The following SORBS2 variants were observed in gnomAD, a reference collection of about 807,000 sequenced individuals.
The protein encoded by SORBS2 is sorbin and SH3 domain-containing protein 2.
SORBS2 carries 46 observed loss-of-function variants against 97.7 expected under a neutral mutation model. That is an observed-to-expected ratio of 0.47 (90% CI 0.37 to 0.60). The LOEUF (loss-of-function observed/expected upper bound fraction) is 0.60. Among genes scored for constraint, SORBS2 ranks in the 20% least tolerant of loss-of-function variants. SORBS2 has a pLI of 0.00. For synonymous variants in SORBS2, 476 were observed against 473.4 expected (o/e 1.01, Z -0.07); for missense variants, 1,316 against 1,282.3 (o/e 1.03, Z -0.40).
intron 1 of SORBS2, among the ~76,000 whole-genome samples, chr4:185,872,753 C>G (rs1017673072): frequency 6.6e-6 from 1 of 152,164 alleles, no homozygotes; most frequent in African/African-American, 2.4e-5. Context: ...TCTTTTCTTC[C>G]TTTCTCCTGA....
At chr4:185,731,852 CTCTCTCTCTCTCTCTATATATA>C (rs1471660365) in intron 2 of SORBS2, among the ~76,000 whole-genome samples, 2 of 33,078 alleles carry the variant, frequency 6.0e-5, no homozygotes, top group Non-Finnish European at 1.2e-4. Flanking sequence ...CTCTCTCTCT[CTCTCTCTCTCTCTCTATATATA>C]TATATATATA....
chr4:185,695,173 T>C (rs1404269241), intron 2 of SORBS2, among the ~76,000 whole-genome samples: 1 of 152,178 alleles, frequency 6.6e-6, no homozygotes, highest in Non-Finnish European at 1.5e-5. Context: ...GTGCCTGTTG[T>C]CTCATAATTC....
intron 1 of SORBS2, among the ~76,000 whole-genome samples, chr4:185,873,377 C>T (rs1368669192): frequency 6.6e-6 from 1 of 152,176 alleles, no homozygotes; most frequent in Non-Finnish European, 1.5e-5. Flanking sequence ...GCCAATAGAT[C>T]CTGCCTTACT....
chr4:185,610,241 G>A (rs1448368100), intron 12 of SORBS2, among the ~76,000 whole-genome samples: 1 of 152,084 alleles, frequency 6.6e-6, no homozygotes, highest in Non-Finnish European at 1.5e-5. Flanking sequence ...TTTATTTGAA[G>A]GTACAGTTGC....
At chr4:185,601,636 G>A (rs1316792441) in intron 12 of SORBS2, among the ~76,000 whole-genome samples, 1 of 152,146 alleles carries the variant, frequency 6.6e-6, no homozygotes, top group African/African-American at 2.4e-5. Context: ...TTCTGGGACT[G>A]TGCTTATCCC....
At chr4:185,908,308 T>C (rs868060923) in intron 1 of SORBS2, among the ~76,000 whole-genome samples, 4 of 114,076 alleles carry the variant, frequency 3.5e-5, no homozygotes, top group African/African-American at 1.4e-4. Context: ...TATATATATA[T>C]ATATATATAT....
Position 185,635,326 on chromosome 4 carries a change from C to A in SORBS2, c.397-4728G>T, listed in dbSNP as rs370037803. On this transcript the variant is annotated intron_variant, in intron 4 of 14. Coordinates refer to ENST00000418609, the Ensembl canonical transcript of SORBS2. ...CAGTCACAGCCTCTAAGGGAGATAT[C>A]TGAAAAAGAGAGAATAACGTGTTTT... The A allele has an allele frequency of 7.6e-5, 117 of 1,529,722 alleles. 2 individuals are homozygous for A. In the African/African-American group the frequency reaches 1.0e-3, roughly 13 times the overall value. The allele number at this position is 1,529,722 out of a possible 1,614,324, so 94.8% of individuals were successfully genotyped here.
chr4:185,823,913 G>A (rs1401621606), intron 1 of SORBS2, among the ~76,000 whole-genome samples: 2 of 152,180 alleles, frequency 1.3e-5, no homozygotes, highest in African/African-American at 2.4e-5. Flanking sequence ...TCAGAAATTC[G>A]TGAAGCTACT....
chr4:185,608,080 C>G lies in SORBS2; in HGVS notation c.2796+3700G>C, dbSNP rs183014129. On this transcript the variant is annotated intron_variant, in intron 12 of 14. Coordinates refer to ENST00000418609, the Ensembl canonical transcript of SORBS2. ...CTGACTTAGTAGAGTATAAATGACT[C>G]CAGAGAAATGTTAATGTAGAATGAA... 4.7e-3 allele frequency among the ~76,000 whole-genome samples: 719 copies of G among 152,208 alleles called. 3 individuals are homozygous for G. Among genetic ancestry groups the G allele is most frequent in the Non-Finnish European group, 8.0e-3 (546 of 68,024 alleles).
intron 12 of SORBS2, chr4:185,605,925 G>T: frequency 4.5e-6 from 1 of 220,644 alleles, no homozygotes; most frequent in Non-Finnish European, 7.6e-6. Context: ...TTCTGCCTTT[G>T]TTGATTAAAA....
At chr4:185,649,678 G>A (rs1334403944) in intron 2 of SORBS2, 22 bp from the exon 12 acceptor site, 6 of 1,337,602 alleles carry the variant, frequency 4.5e-6, no homozygotes, top group Non-Finnish European at 5.8e-6. Context: ...AAAAACAAAA[G>A]CAGACAAAAA....
chr4:185,699,091 T>C (rs757460943), intron 2 of SORBS2, among the ~76,000 whole-genome samples: 4 of 152,120 alleles, frequency 2.6e-5, no homozygotes, highest in Admixed American at 6.6e-5. Flanking sequence ...TTTGTCAGAA[T>C]TTTTGACAGA....
At chr4:185,887,075 A>G (rs2099240052) in intron 1 of SORBS2, among the ~76,000 whole-genome samples, 1 of 152,206 alleles carries the variant, frequency 6.6e-6, no homozygotes, top group Non-Finnish European at 1.5e-5. Flanking sequence ...TTGCACAAAC[A>G]GCCTGGGCAG....
At chr4:185,949,322 C>T (rs1167401772) in intron 1 of SORBS2, among the ~76,000 whole-genome samples, 1 of 152,112 alleles carries the variant, frequency 6.6e-6, no homozygotes, top group Non-Finnish European at 1.5e-5. Context: ...GGACTGGACC[C>T]GAGCAGAAAT....
chr4:185,868,159 CTTTT>C (rs112680775), intron 1 of SORBS2, among the ~76,000 whole-genome samples: 1 of 105,222 alleles, frequency 9.5e-6, no homozygotes, highest in Non-Finnish European at 1.8e-5. Context: ...TTTTTTCTTT[CTTTT>C]TTTTTTTTTT....
At chr4:185,713,259 C>T (rs959320382) in intron 2 of SORBS2, among the ~76,000 whole-genome samples, 5 of 152,188 alleles carry the variant, frequency 3.3e-5, no homozygotes, top group African/African-American at 4.8e-5. Context: ...AGCCCCAGGT[C>T]TCTCCTTGAG....
rs1427501192 is a variant in SORBS2, at chr4:185,623,053, G to A, written c.2076C>T (p.His692=). 2.5e-6 allele frequency: 4 copies of A among 1,614,056 alleles called. No homozygotes were observed. Among genetic ancestry groups the A allele is most frequent in the African/African-American group, 2.7e-5 (2 of 74,918 alleles). ...GAATAGCACCATCGGGAGGCAGTGG[G>A]TGGAGAGGCTGGTGCAGGGGGCTCC... is the stretch of plus-strand genomic sequence containing the variant. The change falls in exon 7 of 15, where the codon CAC becomes CAT. Residue 692 remains histidine (H), a synonymous_variant. Transcript: ENST00000418609. The surrounding 1 kb of genome is among the most constrained non-coding windows in gnomAD (Gnocchi z 6.4).
At chr4:185,805,005 CT>C (rs1245621808) in intron 1 of SORBS2, among the ~76,000 whole-genome samples, 1 of 151,758 alleles carries the variant, frequency 6.6e-6, no homozygotes, top group African/African-American at 2.4e-5. Flanking sequence ...CTTTCTTATT[CT>C]TTTTTATTTT....
At chr4:185,837,219 C>A (rs2099208572) in intron 1 of SORBS2, among the ~76,000 whole-genome samples, 1 of 151,886 alleles carries the variant, frequency 6.6e-6, no homozygotes, top group East Asian at 1.9e-4. Context: ...TTAAATTTTA[C>A]ATCAAACAGA....
Sources: allele counts gnomAD v4.1 joint callset (sites outside exome capture counted in the v4.1 genomes callset), GRCh38; gene constraint gnomAD v4.1.1; non-coding constraint Gnocchi (gnomAD v3.1); transcripts MANE v1.5; gene names NCBI Gene and HGNC (gene_info 2026-07-23, HGNC 2026-07-21).